DPH6: variants seen among roughly 807,000 people sequenced by gnomAD.
The protein encoded by DPH6 is diphthamine biosynthesis 6.
DPH6 carries 33 observed loss-of-function variants against 38.2 expected under a neutral mutation model. The ratio of observed to expected loss-of-function variants is 0.86; its 90% CI spans 0.65 to 1.15. The LOEUF (loss-of-function observed/expected upper bound fraction) is 1.15, where lower values mean the gene tolerates loss of function less well. Ranked by LOEUF, DPH6 falls within the 50% of genes most tolerant of loss-of-function variation. The pLI is 0.00. For missense variants in DPH6, 325 were observed against 320.0 expected (o/e 1.02, Z -0.12); for synonymous variants, 108 against 103.0 (o/e 1.05, Z -0.30).
chr15:35,252,333 C>A lies in DPH6; in HGVS notation n.201-31751G>T, dbSNP rs931204832. On this transcript the variant is annotated intron_variant and non_coding_transcript_variant, in intron 3 of 3. Coordinates refer to the DPH6 transcript ENST00000560386. ...AGATAGTAGCTGGTTTTAAGAGAAA[C>A]AAGCCTATAAACAAAAAAAGAAAGA... 2.6e-5 allele frequency among the ~76,000 whole-genome samples: 4 copies of A among 151,928 alleles called. No individual in the cohort carries two copies. In the East Asian group the frequency reaches 7.7e-4, roughly 29 times the overall value.
chr15:35,401,358 G>T, intron 6 of DPH6: 1 of 755,314 alleles, frequency 1.3e-6, no homozygotes. Context: ...GTGCTGATGG[G>T]TATGGCGGCA....
chr15:35,232,824 C>G (rs2051527452), intron 3 of DPH6, among the ~76,000 whole-genome samples: 1 of 152,178 alleles, frequency 6.6e-6, no homozygotes, highest in Admixed American at 6.5e-5. Context: ...TTCTCATACT[C>G]AGCAATTCCA....
chr15:35,475,883 G>A (rs2054258076), intron 3 of DPH6, among the ~76,000 whole-genome samples: 1 of 151,734 alleles, frequency 6.6e-6, no homozygotes. Context: ...CACAGTCTCT[G>A]CCCTCAAGAA....
intron 6 of DPH6, among the ~76,000 whole-genome samples, chr15:35,397,868 T>TACACACACAC (rs57530358): frequency 1.1e-5 from 1 of 87,252 alleles, no homozygotes; most frequent in African/African-American, 4.6e-5. Context: ...TTTATATATA[T>TACACACACAC]ACACACACAC....
the DPH6 span, among the ~76,000 whole-genome samples, chr15:35,208,680 T>C: frequency 1.6e-4 from 25 of 152,248 alleles, no homozygotes; most frequent in Non-Finnish European, 3.5e-4. Context: ...ACTATGCCAG[T>C]GCTACATGAT....
chr15:35,489,625 G>A, intron 3 of DPH6: 1 of 981,984 alleles, frequency 1.0e-6, no homozygotes, highest in Non-Finnish European at 1.2e-6. Context: ...AAAGTTCTCT[G>A]CAACATAATG....
chr15:35,202,060 T>C, the DPH6 span, among the ~76,000 whole-genome samples: 1 of 151,858 alleles, frequency 6.6e-6, no homozygotes, highest in East Asian at 1.9e-4. Context: ...ACATCTTTTA[T>C]AAGTTCATTG....
intron 6 of DPH6, chr15:35,401,509 T>G (rs2140977900): frequency 1.3e-6 from 1 of 770,552 alleles, no homozygotes; most frequent in African/African-American, 1.7e-5. Flanking sequence ...GAGTGACAGC[T>G]ATGACAGCTA....
At chr15:35,523,560 T>C (rs11073100) in intron 3 of DPH6, among the ~76,000 whole-genome samples, 95,116 of 151,862 alleles carry the variant, frequency 0.63, 33,542 homozygotes, top group South Asian at 0.82. Flanking sequence ...GGATTGCAAA[T>C]ATATCTCTGA....
chr15:35,487,201 C>T (rs1445362879), intron 3 of DPH6, among the ~76,000 whole-genome samples: 1 of 152,170 alleles, frequency 6.6e-6, no homozygotes, highest in African/African-American at 2.4e-5. Context: ...AGGGGATCTA[C>T]CATTCTGGGG....
At chr15:35,390,595 T>C (rs1052091869) in intron 6 of DPH6, among the ~76,000 whole-genome samples, 9 of 152,352 alleles carry the variant, frequency 5.9e-5, no homozygotes, top group African/African-American at 2.2e-4. Flanking sequence ...ATTCATTTTG[T>C]CTTCCATCGC....
intron 5 of DPH6, among the ~76,000 whole-genome samples, chr15:35,413,895 G>A (rs2053403002): frequency 2.0e-5 from 3 of 151,504 alleles, no homozygotes; most frequent in Admixed American, 2.0e-4. Context: ...TGATCAGAAT[G>A]CTATAGAGTG....
Position 35,421,246 on chromosome 15 carries a change from T to C in DPH6, c.506-10350A>G, listed in dbSNP as rs188553647. On this transcript the variant is annotated intron_variant, in intron 5 of 8. Coordinates refer to ENST00000256538, the MANE Select transcript of DPH6 (RefSeq NM_080650.4). ...TAATAGCAATGTTTCTCAAACTCTT[T>C]CAAGAAAACTAACATTGAAGAAGAG... is the stretch of plus-strand genomic sequence containing the variant. 4.6e-5 allele frequency among the ~76,000 whole-genome samples: 7 copies of C among 152,312 alleles called. No homozygotes were observed. In the East Asian group the frequency reaches 1.3e-3, roughly 29 times the overall value.
At chr15:35,397,781 A>C (rs2053157387) in intron 6 of DPH6, among the ~76,000 whole-genome samples, 1 of 152,034 alleles carries the variant, frequency 6.6e-6, no homozygotes, top group Admixed American at 6.6e-5. Context: ...CCTACAGCAG[A>C]TAAACAGAGG....
chr15:35,504,426 T>C (rs2054667325), intron 3 of DPH6, among the ~76,000 whole-genome samples: 1 of 151,920 alleles, frequency 6.6e-6, no homozygotes, highest in Non-Finnish European at 1.5e-5. Context: ...CAACTGCCCA[T>C]CCTGCTCCAT....
chr15:35,344,430 T>G (rs994822450), intron 3 of DPH6, among the ~76,000 whole-genome samples: 1 of 151,900 alleles, frequency 6.6e-6, no homozygotes, highest in African/African-American at 2.4e-5. Flanking sequence ...TCCAGTTAAG[T>G]GCAAGCTGTG....
chr15:35,307,919 T>C (rs2052106791), intron 3 of DPH6, among the ~76,000 whole-genome samples: 1 of 152,212 alleles, frequency 6.6e-6, no homozygotes, highest in Non-Finnish European at 1.5e-5. Flanking sequence ...CTAGTATCAT[T>C]CTTATTCATG....
In DPH6 at chr15:35,494,755, C is replaced by A. The variant is rs147085561; in HGVS notation, c.313-39935G>T. Among the ~76,000 whole-genome samples the A allele has an allele frequency of 3.8e-4, 58 of 151,918 alleles. No homozygotes were observed. The East Asian group carries it at 0.01, about 26-fold the overall frequency. On this transcript the variant is annotated intron_variant, in intron 3 of 8. Transcript: ENST00000256538. ...CTTTTCTCCATGGTTAACACTTAAA[C>A]TGTGTGTGAATTTCAAAGTCCACTC...
intron 3 of DPH6, among the ~76,000 whole-genome samples, chr15:35,315,336 C>T (rs2052179526): frequency 1.3e-5 from 2 of 152,196 alleles, no homozygotes; most frequent in African/African-American, 4.8e-5. Flanking sequence ...AAAGCACAAA[C>T]TTTTACACCA....
Sources: allele counts gnomAD v4.1 joint callset (sites outside exome capture counted in the v4.1 genomes callset), GRCh38; gene constraint gnomAD v4.1.1; transcripts MANE v1.5; gene names NCBI Gene and HGNC (gene_info 2026-07-23, HGNC 2026-07-21).